DCDC1: variants seen among roughly 807,000 people sequenced by gnomAD.
The protein encoded by DCDC1 is doublecortin domain-containing protein 1.
In DCDC1, 200 loss-of-function variants were observed where a neutral mutation model predicts 178.3. That is an observed-to-expected ratio of 1.12 (90% CI 1.00 to 1.26). DCDC1 has a LOEUF of 1.26. Ranked by LOEUF, DCDC1 falls within the 50% of genes most tolerant of loss-of-function variation. The pLI is 0.00. For missense variants in DCDC1, 1,983 were observed against 1,749.2 expected, an observed-to-expected ratio of 1.13 and a Z score of -2.38; for synonymous variants, 690 against 604.8, an observed-to-expected ratio of 1.14 and a Z score of -2.07.
At chr11:31,354,986 TGGTG>T (rs1951261096) in intron 1 of DCDC1, among the ~76,000 whole-genome samples, 1 of 150,486 alleles carries the variant, frequency 6.6e-6, no homozygotes, top group Non-Finnish European at 1.5e-5. Flanking sequence ...TTCAACTAAG[TGGTG>T]TTGCACTGGG....
rs775741111 is a variant in DCDC1, at chr11:30,878,694, C to T, written c.5251G>A (p.Glu1751Lys). Residue 1751 changes from glutamate (E) to lysine (K), a missense_variant, in exon 38 of 39, where the codon GAG (glutamate) becomes AAG (lysine). By Grantham distance (56) the Glu-to-Lys change is moderately conservative (BLOSUM62 1). Transcript: ENST00000684477. Reference protein sequence around the residue: ...KTPKELKQLMEIRANYARIRR... With the variant: ...KTPKELKQLMKIRANYARIRR... ...ATTCTGGCATAATTTGCTCTGATCT[C>T]CATCAGTTGTTTTAACTCTGTTAAA... The T allele has an allele frequency of 6.3e-7, 1 of 1,580,990 alleles. No homozygotes were observed. The highest frequency in any genetic ancestry group is 1.4e-5 in the African/African-American group (1 of 71,386).
At chr11:31,205,454 T>C (rs1971757185) in intron 9 of DCDC1, among the ~76,000 whole-genome samples, 1 of 152,206 alleles carries the variant, frequency 6.6e-6, no homozygotes, top group South Asian at 2.1e-4. Flanking sequence ...TAATTGATAG[T>C]ACTGCTGGGG....
At chr11:31,354,498 A>G (rs1034831305) in intron 1 of DCDC1, among the ~76,000 whole-genome samples, 1 of 152,198 alleles carries the variant, frequency 6.6e-6, no homozygotes, top group African/African-American at 2.4e-5. Flanking sequence ...TCCATTTTTA[A>G]AGCAAGGGGG....
intron 20 of DCDC1, among the ~76,000 whole-genome samples, chr11:30,986,786 T>C (rs1221490270): frequency 6.6e-6 from 1 of 152,140 alleles, no homozygotes; most frequent in East Asian, 1.9e-4. Flanking sequence ...CAGAAACAGA[T>C]AAAAAGCTTA....
Position 30,920,805 on chromosome 11 carries a change from T to C in DCDC1, c.3264A>G (p.Leu1088=). 6.2e-7 allele frequency: 1 copy of C among 1,613,686 alleles called. No homozygotes were observed. The highest frequency in any genetic ancestry group is 8.5e-7 in the Non-Finnish European group (1 of 1,179,776). ...PEEKQMQEDP[L]TTENASSEIL... ...TTTCACTGGAAGCATTTTCCGTTGT[T>C]AGAGGATCTTCTTGCATTTGCTTTT... Residue 1088 remains leucine, a synonymous_variant, in exon 25 of 39, where the codon CTA becomes CTG. Coordinates refer to ENST00000684477, the MANE Select transcript of DCDC1 (RefSeq NM_001387274.1).
At chr11:31,099,661 C>T (rs2135721038) in intron 15 of DCDC1, among the ~76,000 whole-genome samples, 1 of 151,398 alleles carries the variant, frequency 6.6e-6, no homozygotes, top group South Asian at 2.1e-4. Context: ...TTTCATGAAG[C>T]AGTCACAAAT....
At chr11:31,162,451 C>T (rs910396851) in intron 9 of DCDC1, among the ~76,000 whole-genome samples, 4 of 151,968 alleles carry the variant, frequency 2.6e-5, no homozygotes, top group Non-Finnish European at 5.9e-5. Context: ...TTTGCAGACA[C>T]CTATAGTTTG....
chr11:30,967,737 A>G (rs902782133), intron 20 of DCDC1, among the ~76,000 whole-genome samples: 5 of 152,202 alleles, frequency 3.3e-5, no homozygotes. Context: ...TCCAATTCAG[A>G]AATATTTCCC....
intron 9 of DCDC1, among the ~76,000 whole-genome samples, chr11:31,223,863 A>G (rs1974579212): frequency 1.3e-5 from 2 of 152,120 alleles, no homozygotes; most frequent in South Asian, 4.1e-4. Flanking sequence ...GCATATATAC[A>G]TATGATTGGT....
intron 20 of DCDC1, among the ~76,000 whole-genome samples, chr11:31,015,009 G>A (rs972188167): frequency 7.2e-4 from 109 of 150,364 alleles, no homozygotes; most frequent in African/African-American, 2.3e-3. Context: ...TTGCAGTGGC[G>A]CAACTTGGCT....
chr11:31,150,240 T>A (rs181362867), intron 9 of DCDC1, among the ~76,000 whole-genome samples: 2 of 152,322 alleles, frequency 1.3e-5, no homozygotes, highest in Admixed American at 6.5e-5. Context: ...ACTAAGAGGA[T>A]GACAAAACAT....
At chr11:31,263,164 T>C in intron 8 of DCDC1, 3 of 1,325,910 alleles carry the variant, frequency 2.3e-6, no homozygotes, top group Non-Finnish European at 1.0e-6. Context: ...GAAGATCCCT[T>C]ATAGTTTCAA....
At chr11:30,897,896 G>T (rs1192840307) in intron 34 of DCDC1, among the ~76,000 whole-genome samples, 1 of 152,090 alleles carries the variant, frequency 6.6e-6, no homozygotes, top group African/African-American at 2.4e-5. Context: ...AGTTCAAAGT[G>T]GGATAAACCA....
intron 14 of DCDC1, 107 bp downstream of exon 14, chr11:31,103,537 T>C: frequency 1.7e-6 from 1 of 576,510 alleles, no homozygotes; most frequent in Non-Finnish European, 3.1e-6. Flanking sequence ...TTAAGACAAC[T>C]GAAAGAGCAT....
At chr11:31,074,069 G>C (rs1956723596) in intron 18 of DCDC1, among the ~76,000 whole-genome samples, 1 of 152,126 alleles carries the variant, frequency 6.6e-6, no homozygotes, top group Non-Finnish European at 1.5e-5. Flanking sequence ...CAGGGGATTG[G>C]AGTGGCTAGT....
chr11:31,113,303 TTTTTA>T (rs1393985061), intron 11 of DCDC1, among the ~76,000 whole-genome samples: 7 of 152,158 alleles, frequency 4.6e-5, no homozygotes, highest in Admixed American at 1.3e-4. Context: ...TTTGTTTGTT[TTTTTA>T]TTTTAAGTTC....
At chr11:30,916,572 CAAAT>C in intron 26 of DCDC1, among the ~76,000 whole-genome samples, 1 of 152,220 alleles carries the variant, frequency 6.6e-6, no homozygotes, top group South Asian at 2.1e-4. Flanking sequence ...ATTCATTCAA[CAAAT>C]ATATAGGCTC....
intron 38 of DCDC1, among the ~76,000 whole-genome samples, chr11:30,877,538 A>T (rs562058139): frequency 1.3e-5 from 2 of 152,076 alleles, no homozygotes; most frequent in Admixed American, 1.3e-4. Context: ...ACCTTCCATA[A>T]TTTTTCTTTT....
chr11:30,881,149 C>A lies in DCDC1; in HGVS notation c.5233+9G>T. The A allele has an allele frequency of 1.2e-6, 2 of 1,612,362 alleles. No individual in the cohort carries two copies. The highest frequency in any genetic ancestry group is 1.7e-6 in the Non-Finnish European group (2 of 1,179,114). On this transcript the variant is annotated intron_variant, in intron 37 of 38. Transcript: ENST00000684477. ...AAAGACTTGATGGAAAAGAAACTAT[C>A]ATGCATACCTTTTGGGGTTTTGAAA...
Sources: allele counts gnomAD v4.1 joint callset (sites outside exome capture counted in the v4.1 genomes callset), GRCh38; gene constraint gnomAD v4.1.1; transcripts MANE v1.5; gene names NCBI Gene and HGNC (gene_info 2026-07-23, HGNC 2026-07-21).